Variants in MPZL3 observed in about 807,000 individuals in gnomAD.
MPZL3 encodes myelin protein zero like 3.
MPZL3 carries 23 observed loss-of-function variants against 24.8 expected under a neutral mutation model. The ratio of observed to expected loss-of-function variants is 0.93; its 90% CI spans 0.67 to 1.31. The LOEUF is 1.31. Ranked by LOEUF, MPZL3 falls within the 40% of genes most tolerant of loss-of-function variation. MPZL3 has a pLI of 0.00. For synonymous variants in MPZL3, 99 were observed against 106.5 expected (o/e 0.93, Z 0.44); for missense variants, 277 against 294.9 (o/e 0.94, Z 0.44).
rs747037421 is a variant in MPZL3, at chr11:118,246,730, G to A, written c.73+5492C>T. Among the ~76,000 whole-genome samples the A allele has an allele frequency of 6.6e-5, 10 of 151,678 alleles. No individual in the cohort carries two copies. The East Asian group carries it at 9.7e-4, about 15-fold the overall frequency. On this transcript the variant is annotated intron_variant, in intron 1 of 5. Transcript: ENST00000278949. Reference sequence around the variant, plus strand: ...CTCCCAAATAGCTGAGACCACAGGCGTGTGCCACCACACCTGGCTAATTTT... The same window carrying A: ...CTCCCAAATAGCTGAGACCACAGGCATGTGCCACCACACCTGGCTAATTTT...
At position 118,240,341 on chromosome 11, in the gene MPZL3, T is replaced by C; in HGVS notation, c.110A>G (p.Asp37Gly). 3 of 1,607,580 alleles carry C rather than the reference T, an allele frequency of 1.9e-6. No homozygotes were observed. The South Asian group carries it at 3.4e-5, about 18-fold the overall frequency. ...YIVFSLEIRA[D>G]AHVRGYVGEK... ...TCCAACATAACCTCGGACATGGGCA[T>C]CTGCACGAATCTCCAAGGAAAAGAC... The change falls in exon 2 of 6, where the codon GAT (aspartate) becomes GGT (glycine). Residue 37 changes from aspartate (D) to glycine (G), a missense_variant. Asp to Gly is a moderately conservative substitution (Grantham distance 94). Coordinates refer to ENST00000278949, the MANE Select transcript of MPZL3 (RefSeq NM_198275.3).
At chr11:118,246,585 CTTT>C (rs71301655) in intron 1 of MPZL3, among the ~76,000 whole-genome samples, 3 of 123,268 alleles carry the variant, frequency 2.4e-5, no homozygotes, top group Admixed American at 8.6e-5. Context: ...TTTTTCTTTT[CTTT>C]TTTTTTTTTT....
chr11:118,238,620 T>C (rs1213070193), intron 2 of MPZL3, among the ~76,000 whole-genome samples: 1 of 152,216 alleles, frequency 6.6e-6, no homozygotes, highest in African/African-American at 2.4e-5. Flanking sequence ...TTGCCCAATT[T>C]TGAAAAGCAA....
In MPZL3 at chr11:118,240,310, C is replaced by T; in HGVS notation, c.141G>A (p.Lys47=). The T allele has an allele frequency of 6.2e-7, 1 of 1,609,576 alleles. No homozygotes were observed. Among genetic ancestry groups the T allele is most frequent in the South Asian group, 1.1e-5 (1 of 90,014 alleles). ...ACTTGAAAGTGCATTTCAACTTGAT[C>T]TTTTCTCCAACATAACCTCGGACAT... ...DAHVRGYVGE[K]IKLKCTFKST... The change falls in exon 2 of 6, where the codon AAG becomes AAA. Residue 47 remains lysine (K), a synonymous_variant. Coordinates refer to ENST00000278949, the MANE Select transcript of MPZL3 (RefSeq NM_198275.3).
chr11:118,250,168 ATTTTTTTTTTTTT>A (rs71041823), intron 1 of MPZL3, among the ~76,000 whole-genome samples: 1 of 104,260 alleles, frequency 9.6e-6, no homozygotes, highest in Admixed American at 1.1e-4. Context: ...CACCTGGCTA[ATTTTTTTTTTTTT>A]TTTTTTTTTT....
chr11:118,241,941 C>T (rs914957102), intron 1 of MPZL3, among the ~76,000 whole-genome samples: 1 of 152,158 alleles, frequency 6.6e-6, no homozygotes, highest in Non-Finnish European at 1.5e-5. Flanking sequence ...AAATGCTGTC[C>T]CTCTGCTGGA....
chr11:118,236,361 GAGAAGGA>G (rs1408593876), intron 3 of MPZL3, among the ~76,000 whole-genome samples: 1 of 152,066 alleles, frequency 6.6e-6, no homozygotes, highest in East Asian at 1.9e-4. Flanking sequence ...AAGGGAAGAT[GAGAAGGA>G]AGAAGGAAGG....
intron 1 of MPZL3, among the ~76,000 whole-genome samples, chr11:118,250,478 A>G (rs1949607069): frequency 6.6e-6 from 1 of 152,192 alleles, no homozygotes; most frequent in African/African-American, 2.4e-5. Context: ...TAATTATTGC[A>G]TAACTGTGAA....
intron 1 of MPZL3, among the ~76,000 whole-genome samples, chr11:118,249,764 T>C (rs990776359): frequency 1.3e-5 from 2 of 152,108 alleles, no homozygotes; most frequent in Non-Finnish European, 2.9e-5. Flanking sequence ...TCTAAATACT[T>C]AGATAACTGA....
intron 1 of MPZL3, among the ~76,000 whole-genome samples, chr11:118,251,129 G>A (rs1368024392): frequency 6.6e-6 from 1 of 151,192 alleles, no homozygotes; most frequent in Non-Finnish European, 1.5e-5. Context: ...GAAAGAGAGA[G>A]AGAGAGGACT....
chr11:118,252,137 A>T (rs551978607), intron 1 of MPZL3, 85 bp downstream of exon 1: 152 of 1,402,564 alleles, frequency 1.1e-4, no homozygotes, highest in Non-Finnish European at 1.5e-4. Flanking sequence ...GGCTTTCTGG[A>T]GACCCCCCTA....
chr11:118,235,253 T>A (rs1949407846), intron 4 of MPZL3, among the ~76,000 whole-genome samples, 171 bp downstream of exon 4: 1 of 152,176 alleles, frequency 6.6e-6, no homozygotes, highest in Admixed American at 6.5e-5. Context: ...TTCACACACA[T>A]CACTTTCAAC....
At position 118,229,438 on chromosome 11, in the gene MPZL3, A is replaced by G. The variant is rs1949319925; in HGVS notation, c.*456T>C. On this transcript the variant is annotated 3_prime_UTR_variant, in exon 6 of 6. Transcript: ENST00000278949. ...TGAAAGTGTACATGGAGCAAAAAAC[A>G]AAGAATACATATCCCAAGCGAATAT... The G allele has an allele frequency of 6.2e-6, 1 of 161,684 alleles. No individual in the cohort carries two copies. Among genetic ancestry groups the G allele is most frequent in the South Asian group, 1.5e-4 (1 of 6,646 alleles). 10.0% of individuals were successfully genotyped at this position (161,684 alleles called of 1,614,324 possible). A position where few individuals can be genotyped will look rare whatever the true frequency, so the allele number is the denominator to read the frequency against.
In MPZL3 at chr11:118,229,260, G is replaced by A. The variant is rs1346073500; in HGVS notation, c.*634C>T. Reference sequence around the variant, plus strand: ...TCCTTAACTGTAAATTGATGACACTGTACTTAATACTTTAAAAACCCAGTC... The same window carrying A: ...TCCTTAACTGTAAATTGATGACACTATACTTAATACTTTAAAAACCCAGTC... On this transcript the variant is annotated 3_prime_UTR_variant, in exon 6 of 6. Transcript: ENST00000278949. 6.6e-6 allele frequency: 1 copy of A among 151,712 alleles called. No individual in the cohort carries two copies. Among genetic ancestry groups the A allele is most frequent in the Non-Finnish European group, 1.5e-5 (1 of 68,016 alleles). 9.4% of individuals were successfully genotyped at this position (151,712 alleles called of 1,614,324 possible). A position where few individuals can be genotyped will look rare whatever the true frequency, so the allele number is the denominator to read the frequency against.
intron 1 of MPZL3, among the ~76,000 whole-genome samples, chr11:118,251,131 G>C (rs1023201654): frequency 1.3e-5 from 2 of 151,236 alleles, no homozygotes; most frequent in Non-Finnish European, 2.9e-5. Flanking sequence ...AAGAGAGAGA[G>C]AGAGGACTGG....
At chr11:118,243,178 G>A (rs1340894363) in intron 1 of MPZL3, among the ~76,000 whole-genome samples, 2 of 152,036 alleles carry the variant, frequency 1.3e-5, no homozygotes, top group African/African-American at 2.4e-5. Context: ...AGTCCTCAAC[G>A]AGGCCTGGCA....
chr11:118,240,686 T>C (rs1317196741), intron 1 of MPZL3, among the ~76,000 whole-genome samples: 3 of 151,412 alleles, frequency 2.0e-5, no homozygotes, highest in East Asian at 1.9e-4. Context: ...GGTCTGCCCA[T>C]GGCTGGCTAA....
At chr11:118,249,858 A>T (rs1949599086) in intron 1 of MPZL3, among the ~76,000 whole-genome samples, 1 of 152,160 alleles carries the variant, frequency 6.6e-6, no homozygotes, top group Non-Finnish European at 1.5e-5. Flanking sequence ...ACAAAAGGCA[A>T]ATAAACACTG....
intron 1 of MPZL3, 45 bp from the exon 2 acceptor site, chr11:118,240,422 G>A: frequency 6.4e-7 from 1 of 1,555,622 alleles, no homozygotes; most frequent in South Asian, 1.2e-5. Context: ...TCATGTGGGT[G>A]GAATATACAG....
Sources: allele counts gnomAD v4.1 joint callset (sites outside exome capture counted in the v4.1 genomes callset), GRCh38; gene constraint gnomAD v4.1.1; transcripts MANE v1.5; gene names NCBI Gene and HGNC (gene_info 2026-07-23, HGNC 2026-07-21).